Variants in XRN1 observed in about 807,000 individuals in gnomAD.
XRN1 encodes the protein 5'-3' exoribonuclease 1.
In XRN1, 67 loss-of-function variants were observed where a neutral mutation model predicts 222.3. The ratio of observed to expected loss-of-function variants is 0.30; its 90% confidence interval spans 0.25 to 0.37. The LOEUF is 0.37. XRN1 is among the 10% of genes least tolerant of loss of function. The pLI is 1.00. For missense variants in XRN1, 1,707 were observed against 2,000.2 expected, an observed-to-expected ratio of 0.85 and a Z score of 2.80; for synonymous variants, 643 against 652.4, an observed-to-expected ratio of 0.99 and a Z score of 0.22.
intron 37 of XRN1, among the ~76,000 whole-genome samples, chr3:142,320,176 T>C (rs2065315075): frequency 6.6e-6 from 1 of 152,210 alleles, no homozygotes; most frequent in Non-Finnish European, 1.5e-5. Context: ...GTTGTACTAA[T>C]TTATATTCCA....
chr3:142,351,503 A>G (rs1244795799), intron 32 of XRN1, among the ~76,000 whole-genome samples: 1 of 152,172 alleles, frequency 6.6e-6, no homozygotes, highest in Non-Finnish European at 1.5e-5. Flanking sequence ...AAGACCGATT[A>G]GGGTGGGTTT....
intron 25 of XRN1, among the ~76,000 whole-genome samples, chr3:142,374,613 G>A (rs1003315388): frequency 6.6e-6 from 1 of 152,180 alleles, no homozygotes; most frequent in African/African-American, 2.4e-5. Flanking sequence ...GGAATCCAGA[G>A]TGGTGGAAGT....
chr3:142,343,649 A>G (rs2066060242), intron 33 of XRN1, among the ~76,000 whole-genome samples: 1 of 152,192 alleles, frequency 6.6e-6, no homozygotes, highest in Non-Finnish European at 1.5e-5. Context: ...GTAAATTAGT[A>G]CAAACACTAT....
At chr3:142,338,975 T>G (rs960705860) in intron 33 of XRN1, among the ~76,000 whole-genome samples, 1 of 152,216 alleles carries the variant, frequency 6.6e-6, no homozygotes, top group Non-Finnish European at 1.5e-5. Flanking sequence ...CCCTGTCTCC[T>G]GGATGGCATC....
At chr3:142,323,338 T>C (rs980463840) in intron 37 of XRN1, among the ~76,000 whole-genome samples, 3 of 150,930 alleles carry the variant, frequency 2.0e-5, no homozygotes, top group Admixed American at 6.6e-5. Context: ...TGCGCCACCA[T>C]ACCTGGCTAA....
At position 142,427,495 on chromosome 3, in the gene XRN1, A is replaced by G. The variant is rs372560153; in HGVS notation, c.309-654T>C. ...GCTTTAAATGTTCATTATATATACTACATCTAATGATAATGACATTTAATG... is the reference window on the plus strand; with the variant it reads ...GCTTTAAATGTTCATTATATATACTGCATCTAATGATAATGACATTTAATG... On this transcript the variant is annotated intron_variant, in intron 2 of 40. Coordinates refer to ENST00000392981, the MANE Select transcript of XRN1 (RefSeq NM_001282857.2). 3.2e-3 allele frequency among the ~76,000 whole-genome samples: 486 copies of G among 152,370 alleles called. 2 individuals are homozygous for G. The highest frequency in any genetic ancestry group is 9.6e-3 in the African/African-American group (399 of 41,584).
intron 32 of XRN1, among the ~76,000 whole-genome samples, chr3:142,350,779 T>C (rs1438730826): frequency 6.6e-6 from 1 of 152,166 alleles, no homozygotes; most frequent in African/African-American, 2.4e-5. Context: ...GAGTAAAGGA[T>C]GTGACTCTTA....
rs1249224247 is a variant in XRN1, at chr3:142,447,875, G to A, written c.70C>T (p.His24Tyr). ...GTTGCCCCTCGCTCACCCACCTGAT[G>A]CTCTTTCACCACTTCGCTGAGACAG... ...YPCLSEVVKE[H>Y]QIPEFDNLYL... is the part of the protein sequence containing the mutation. Residue 24 changes from histidine (H) to tyrosine (Y), a missense_variant, in exon 1 of 41, where the codon CAT becomes TAT. By Grantham distance (83) the His-to-Tyr change is moderately conservative. Around this residue, in one of 2 missense-constraint regions of XRN1, gnomAD observed 1,234 missense variants for 1,518.2 expected, o/e 0.81. Transcript: ENST00000392981. This position sits in a 1 kb window ranked among gnomAD's most constrained non-coding sequence, Gnocchi z 4.2. 1 of 1,613,502 alleles carries A rather than the reference G, an allele frequency of 6.2e-7. No individual in the cohort carries two copies. Among genetic ancestry groups the A allele is most frequent in the Non-Finnish European group, 8.5e-7 (1 of 1,179,832 alleles).
At chr3:142,325,185 A>G (rs947180265) in intron 37 of XRN1, among the ~76,000 whole-genome samples, 1 of 152,142 alleles carries the variant, frequency 6.6e-6, no homozygotes, top group Non-Finnish European at 1.5e-5. Flanking sequence ...GTTTCCACCA[A>G]CAATGTATGA....
chr3:142,445,623 T>C (rs1277732026), intron 1 of XRN1, among the ~76,000 whole-genome samples: 1 of 152,232 alleles, frequency 6.6e-6, no homozygotes, highest in Admixed American at 6.5e-5. Flanking sequence ...CTCACTTTTA[T>C]ATGGTCTATC....
At position 142,370,491 on chromosome 3, in the gene XRN1, C is replaced by G; in HGVS notation, c.3198G>C (p.Lys1066Asn). The stretch of plus-strand genomic sequence containing the variant: ...GGTTACTGAAAGTTAGTACCTTGCA[C>G]TTTTCGACTTCTTCCTCAATTTTCT... ...IVEKIEEEVE[K>N]CKQRKNNKKV... The change falls in exon 27 of 41, where the codon AAG becomes AAC. Residue 1066 changes from lysine to asparagine, a missense_variant. Around this residue, in one of 2 missense-constraint regions of XRN1, gnomAD observed 1,234 missense variants for 1,518.2 expected, o/e 0.81. Transcript: ENST00000392981. The G allele has an allele frequency of 1.9e-6, 3 of 1,605,260 alleles. No homozygotes were observed. Among genetic ancestry groups the G allele is most frequent in the Non-Finnish European group, 2.5e-6 (3 of 1,177,298 alleles).
At chr3:142,441,918 C>A (rs544707207) in intron 1 of XRN1, among the ~76,000 whole-genome samples, 2 of 152,296 alleles carry the variant, frequency 1.3e-5, no homozygotes, top group South Asian at 2.1e-4. Context: ...AATTCGTATA[C>A]AATTCATTCG....
At chr3:142,381,414 C>G (rs912791432) in intron 22 of XRN1, among the ~76,000 whole-genome samples, 1 of 152,028 alleles carries the variant, frequency 6.6e-6, no homozygotes, top group African/African-American at 2.4e-5. Context: ...CAAATAATGT[C>G]CTTTATAGAA....
At chr3:142,314,368 A>T (rs770075538) in intron 39 of XRN1, among the ~76,000 whole-genome samples, 37 of 152,220 alleles carry the variant, frequency 2.4e-4, no homozygotes, top group Non-Finnish European at 4.6e-4. Flanking sequence ...TAAATGGGGA[A>T]AACAAACATT....
chr3:142,442,878 C>A (rs777624123), intron 1 of XRN1, among the ~76,000 whole-genome samples: 1 of 151,550 alleles, frequency 6.6e-6, no homozygotes, highest in South Asian at 2.1e-4. Flanking sequence ...GGACTACGGG[C>A]GCCCAACACG....
chr3:142,426,636 G>T, intron 3 of XRN1, 108 bp downstream of exon 3: 1 of 1,043,958 alleles, frequency 9.6e-7, no homozygotes, highest in Non-Finnish European at 1.4e-6. Flanking sequence ...ACAGTAAATG[G>T]AACCCTAAGG....
rs375383429 is a variant in XRN1 at position 142,397,190 on chromosome 3, C to G, written c.2339+139G>C. ...AATCAGGTATCATTTTAAACTAGAA[C>G]TCATTACTTTCTAAAACAGGATGAA... is the stretch of plus-strand genomic sequence containing the variant. On this transcript the variant is annotated intron_variant, in intron 20 of 40. Transcript: ENST00000392981. 27 of 798,238 alleles carry G rather than the reference C, an allele frequency of 3.4e-5. No individual in the cohort carries two copies. In the African/African-American group the frequency reaches 4.5e-4, roughly 13 times the overall value. 49.4% of individuals were successfully genotyped at this position (798,238 alleles called of 1,614,324 possible). A position where few individuals can be genotyped will look rare whatever the true frequency, so the allele number is the denominator to read the frequency against.
At position 142,309,848 on chromosome 3, in the gene XRN1, T is replaced by C. The variant is rs1034963122; in HGVS notation, c.*1663A>G. ...TTAACTTTTCTTTGTATTACCATAATAGATGTTTCCTTTAAAAACAAAGAG... is the reference window on the plus strand; with the variant it reads ...TTAACTTTTCTTTGTATTACCATAACAGATGTTTCCTTTAAAAACAAAGAG... On this transcript the variant is annotated 3_prime_UTR_variant, in exon 41 of 41. Transcript: ENST00000392981. 1 of 152,240 alleles carries C rather than the reference T, an allele frequency of 6.6e-6. No individual in the cohort carries two copies. Among genetic ancestry groups the C allele is most frequent in the Non-Finnish European group, 1.5e-5 (1 of 68,046 alleles). 9.4% of individuals were successfully genotyped at this position (152,240 alleles called of 1,614,324 possible).
rs544297209 is a variant in XRN1, at chr3:142,322,224, T to C, written c.4405-3321A>G. On this transcript the variant is annotated intron_variant, in intron 37 of 40. Coordinates refer to ENST00000392981, the MANE Select transcript of XRN1 (RefSeq NM_001282857.2). Reference sequence around the variant, plus strand: ...TCAAATTTTCATAATTATATATGCATATATTTTTTAGAGTTGGGGTCTCAC... The same window carrying C: ...TCAAATTTTCATAATTATATATGCACATATTTTTTAGAGTTGGGGTCTCAC... 1.4e-4 allele frequency among the ~76,000 whole-genome samples: 21 copies of C among 152,278 alleles called. No individual in the cohort carries two copies. The South Asian group carries it at 1.5e-3, about 11-fold the overall frequency.
Sources: gnomAD v4.1 joint callset for allele counts (sites outside exome capture counted in the v4.1 genomes callset) on GRCh38, gnomAD v4.1.1 for gene constraint, gnomAD v4.1.1 regional missense constraint, Gnocchi (gnomAD v3.1) non-coding constraint, MANE v1.5 for transcripts, NCBI Gene and HGNC (gene_info 2026-07-23, HGNC 2026-07-21) for gene names.